The following COL26A1 variants were observed in gnomAD, a reference collection of about 807,000 sequenced individuals.
COL26A1 encodes the protein collagen alpha-1(XXVI) chain.
A neutral mutation model predicts 59.3 loss-of-function variants in COL26A1; 41 were observed. The observed-to-expected ratio is 0.69, with a 90% CI of 0.54 to 0.90. The LOEUF (loss-of-function observed/expected upper bound fraction) is 0.90. Ranked by LOEUF, COL26A1 falls within the 40% of genes least tolerant of loss-of-function variation. The pLI is 0.00. For missense variants in COL26A1, 612 were observed against 602.3 expected, an observed-to-expected ratio of 1.02 and a Z score of -0.17; for synonymous variants, 266 against 256.0, an observed-to-expected ratio of 1.04 and a Z score of -0.37.
chr7:101,447,548 C>G, intron 2 of COL26A1, 136 bp from the exon 3 acceptor site: 1 of 619,060 alleles, frequency 1.6e-6, no homozygotes, highest in Admixed American at 2.7e-5. Context: ...AACACGGACC[C>G]CGGCAGTGGT....
intron 3 of COL26A1, among the ~76,000 whole-genome samples, chr7:101,474,431 TAA>T (rs5886194): frequency 5.4e-5 from 8 of 148,926 alleles, no homozygotes; most frequent in South Asian, 2.1e-4. Flanking sequence ...ACCCCATCTC[TAA>T]AAAAAAAAAT....
intron 2 of COL26A1, among the ~76,000 whole-genome samples, chr7:101,437,387 C>T (rs1487477367): frequency 7.6e-6 from 1 of 131,420 alleles, no homozygotes; most frequent in Admixed American, 8.4e-5. Context: ...GGCGGAGTTC[C>T]GAATGGGGGG....
At chr7:101,541,896 G>A (rs1422495343) in intron 5 of COL26A1, among the ~76,000 whole-genome samples, 1 of 152,140 alleles carries the variant, frequency 6.6e-6, no homozygotes, top group Non-Finnish European at 1.5e-5. Context: ...GGTCTACCAT[G>A]AGTGGTCAGG....
At chr7:101,514,237 T>A (rs1794983986) in intron 3 of COL26A1, among the ~76,000 whole-genome samples, 2 of 151,586 alleles carry the variant, frequency 1.3e-5, no homozygotes, top group East Asian at 3.9e-4. Flanking sequence ...ACTCGGGAAG[T>A]TGAGGCAGGA....
Position 101,557,600 on chromosome 7 carries a change from T to C in COL26A1, c.*70T>C. On this transcript the variant is annotated 3_prime_UTR_variant, in exon 13 of 13. Transcript: ENST00000313669. ...CCCAGAGGCCTGAGCCGCCGCTGTT[T>C]CCTAAAGATGCCCCCAGGGGAACTG... The C allele has an allele frequency of 6.8e-7, 1 of 1,462,336 alleles. No individual in the cohort carries two copies. The allele number at this position is 1,462,336 out of a possible 1,614,324, so 90.6% of individuals were successfully genotyped here.
At chr7:101,469,280 T>C (rs1793836726) in intron 3 of COL26A1, among the ~76,000 whole-genome samples, 1 of 152,064 alleles carries the variant, frequency 6.6e-6, no homozygotes, top group Non-Finnish European at 1.5e-5. Context: ...GAAAAGGAAA[T>C]GGAGACTGCT....
At chr7:101,527,396 C>T (rs770893856) in intron 3 of COL26A1, among the ~76,000 whole-genome samples, 1 of 152,072 alleles carries the variant, frequency 6.6e-6, no homozygotes, top group East Asian at 1.9e-4. Flanking sequence ...GGCACGATCT[C>T]GGCTCACTGA....
chr7:101,363,161 C>A lies in COL26A1; in HGVS notation c.129C>A (p.Gly43=). 1 of 1,509,390 alleles carries A rather than the reference C, an allele frequency of 6.6e-7. No individual in the cohort carries two copies. The highest frequency in any genetic ancestry group is 1.2e-5 in the South Asian group (1 of 81,498). 93.5% of individuals were successfully genotyped at this position (1,509,390 alleles called of 1,614,324 possible). Residue 43 remains glycine (G), a synonymous_variant, in exon 1 of 13, where the codon GGC becomes GGA. Transcript: ENST00000313669. ...ACGGCTACCCCGAGCCCGGCGCCGGCTCCCCTGGCAGCGGCTACGCGAGCC... is the reference window on the plus strand; with the variant it reads ...ACGGCTACCCCGAGCCCGGCGCCGGATCCCCTGGCAGCGGCTACGCGAGCC... ...QQHGYPEPGA[G]SPGSGYASRR...
At chr7:101,400,750 G>T (rs1791977534) in intron 1 of COL26A1, among the ~76,000 whole-genome samples, 1 of 151,886 alleles carries the variant, frequency 6.6e-6, no homozygotes, top group Non-Finnish European at 1.5e-5. Context: ...GTAGAGACCG[G>T]GTTTCACCAT....
chr7:101,485,808 C>T (rs567829706), intron 3 of COL26A1, among the ~76,000 whole-genome samples: 2 of 152,208 alleles, frequency 1.3e-5, no homozygotes, highest in Non-Finnish European at 2.9e-5. Context: ...GGCCCAGCCG[C>T]GGCAGCCATG....
At chr7:101,389,206 T>C (rs1173393388) in intron 1 of COL26A1, 1 of 153,046 alleles carries the variant, frequency 6.5e-6, no homozygotes, top group Non-Finnish European at 1.5e-5. Context: ...ATTAGTGATG[T>C]TGAACATCTT....
rs372304162 is a variant in COL26A1, at chr7:101,465,591, G to C, written c.385+17804G>C. ...TGCCTGTAGTCCCAGCTACTGGGGA[G>C]GCCAAGGCAGGAGAATTGCTTGAAC... On this transcript the variant is annotated intron_variant, in intron 3 of 12. Coordinates refer to ENST00000313669, the MANE Select transcript of COL26A1 (RefSeq NM_001278563.3). Among the ~76,000 whole-genome samples, 108 of 151,926 alleles carry C rather than the reference G, an allele frequency of 7.1e-4. No individual in the cohort carries two copies. The South Asian group carries it at 0.021, about 30-fold the overall frequency.
chr7:101,459,466 ATT>A (rs71286269), intron 3 of COL26A1, among the ~76,000 whole-genome samples: 7 of 136,078 alleles, frequency 5.1e-5, no homozygotes, highest in African/African-American at 8.4e-5. Context: ...CACCCGGCTA[ATT>A]TTTTTTTTTT....
At chr7:101,552,179 A>G (rs1181142905) in intron 10 of COL26A1, among the ~76,000 whole-genome samples, 1 of 152,212 alleles carries the variant, frequency 6.6e-6, no homozygotes, top group East Asian at 1.9e-4. Context: ...CATTGTCCCT[A>G]TTGATTAACT....
At chr7:101,500,652 TA>T (rs1156988402) in intron 3 of COL26A1, among the ~76,000 whole-genome samples, 1 of 150,694 alleles carries the variant, frequency 6.6e-6, no homozygotes, top group Non-Finnish European at 1.5e-5. Context: ...ACCCCATACC[TA>T]AAAAAAACCC....
intron 3 of COL26A1, among the ~76,000 whole-genome samples, chr7:101,492,715 TAAATAAATAAATAAATA>T (rs1355106346): frequency 8.7e-5 from 4 of 46,070 alleles, no homozygotes; most frequent in African/African-American, 7.8e-4. Flanking sequence ...AATAAATAAA[TAAATAAATAAATAAATA>T]AATAAATAAA....
rs147461983 is a variant in COL26A1 at position 101,427,328 on chromosome 7, G to A, written c.281+7229G>A. ...CCATTCCACTTCAGCCTCCTGAGTA[G>A]CTGGGACTACAGGTGTGTGCCACCA... On this transcript the variant is annotated intron_variant, in intron 2 of 12. Transcript: ENST00000313669. Among the ~76,000 whole-genome samples the A allele has an allele frequency of 4.3e-3, 650 of 152,236 alleles. 3 individuals carry two copies. Among genetic ancestry groups the A allele is most frequent in the African/African-American group, 0.015 (628 of 41,546 alleles).
chr7:101,391,368 C>T (rs1030297579), intron 1 of COL26A1, among the ~76,000 whole-genome samples: 18 of 151,920 alleles, frequency 1.2e-4, no homozygotes, highest in Admixed American at 9.8e-4. Context: ...TCTGTGAATT[C>T]ATCTTGGGCA....
intron 4 of COL26A1, among the ~76,000 whole-genome samples, chr7:101,534,359 A>G (rs545623131): frequency 5.3e-4 from 80 of 152,276 alleles, no homozygotes; most frequent in Non-Finnish European, 9.0e-4. Flanking sequence ...GAGCAGGGCC[A>G]GGGTCAGCCA....
Sources: allele counts gnomAD v4.1 joint callset (sites outside exome capture counted in the v4.1 genomes callset), GRCh38; gene constraint gnomAD v4.1.1; transcripts MANE v1.5; gene names NCBI Gene and HGNC (gene_info 2026-07-23, HGNC 2026-07-21).